Variants in MCF2L2 observed in about 807,000 individuals in gnomAD.
MCF2L2 encodes probable guanine nucleotide exchange factor MCF2L2.
In MCF2L2, 102 loss-of-function variants were observed where a neutral mutation model predicts 150.2. The observed-to-expected ratio is 0.68, with a 90% CI of 0.58 to 0.80. The LOEUF is 0.80. MCF2L2 is among the 30% of genes least tolerant of loss of function. The pLI, the probability that MCF2L2 is intolerant of heterozygous loss-of-function variation, is 0.00. For missense variants in MCF2L2, 1,256 were observed against 1,372.8 expected, an observed-to-expected ratio of 0.91 and a Z score of 1.34; for synonymous variants, 465 against 491.3, an observed-to-expected ratio of 0.95 and a Z score of 0.71.
chr3:183,402,305 G>C (rs1714799089), intron 1 of MCF2L2, among the ~76,000 whole-genome samples: 1 of 151,664 alleles, frequency 6.6e-6, no homozygotes, highest in Non-Finnish European at 1.5e-5. Context: ...AATTAGCCGG[G>C]CGTGGTGGGT....
At chr3:183,385,006 A>G (rs1414249738) in intron 2 of MCF2L2, among the ~76,000 whole-genome samples, 1 of 152,192 alleles carries the variant, frequency 6.6e-6, no homozygotes, top group Non-Finnish European at 1.5e-5. Flanking sequence ...GCCACTAGAC[A>G]CATGTGATTA....
intron 1 of MCF2L2, among the ~76,000 whole-genome samples, chr3:183,425,287 A>G (rs1716103276): frequency 1.3e-5 from 2 of 152,288 alleles, no homozygotes; most frequent in South Asian, 4.1e-4. Context: ...AGGGACATGG[A>G]AAGAGCAGAA....
In MCF2L2 at chr3:183,193,212, G is replaced by C. The variant is rs956037176; in HGVS notation, c.2919-116C>G. ...GTGTATCTCTGGTCTAGGTCTCGAGGACCTGCTGCTCCTCCCTCACCTGTA... is the reference window on the plus strand; with the variant it reads ...GTGTATCTCTGGTCTAGGTCTCGAGCACCTGCTGCTCCTCCCTCACCTGTA... On this transcript the variant is annotated intron_variant, in intron 26 of 29. Coordinates refer to ENST00000328913, the MANE Select transcript of MCF2L2 (RefSeq NM_015078.4). The C allele has an allele frequency of 3.7e-4, 298 of 798,088 alleles. 1 individual carries two copies. The highest frequency in any genetic ancestry group is 1.9e-3 in the Middle Eastern group (8 of 4,292). 49.4% of individuals were successfully genotyped at this position (798,088 alleles called of 1,614,324 possible). A position where few individuals can be genotyped will look rare whatever the true frequency, so the allele number is the denominator to read the frequency against.
rs575016490 is a variant in MCF2L2, at chr3:183,213,094, T to C, written c.2496+2875A>G. 8.5e-5 allele frequency among the ~76,000 whole-genome samples: 13 copies of C among 152,226 alleles called. No homozygotes were observed. In the South Asian group the frequency reaches 2.1e-3, roughly 24 times the overall value. On this transcript the variant is annotated intron_variant, in intron 22 of 29. Transcript: ENST00000328913. The stretch of plus-strand genomic sequence containing the variant: ...ATAGAAATAAAATCCTGGCCCTAGC[T>C]CACAATGAACTTACAATACAAGTAC...
chr3:183,290,533 C>CTT (rs1209415171), intron 13 of MCF2L2, among the ~76,000 whole-genome samples: 1 of 151,310 alleles, frequency 6.6e-6, no homozygotes, highest in African/African-American at 2.4e-5. Context: ...GCATTTCTTT[C>CTT]TTTCTTTCTT....
chr3:183,336,855 CA>C (rs566104436), intron 5 of MCF2L2, among the ~76,000 whole-genome samples: 2 of 132,284 alleles, frequency 1.5e-5, no homozygotes, highest in African/African-American at 6.6e-5. Context: ...AACTCCATCT[CA>C]AAAAAAAAAT....
rs550905936 is a variant in MCF2L2, at chr3:183,361,021, A to G, written c.275+18276T>C. 1.3e-3 allele frequency among the ~76,000 whole-genome samples: 184 copies of G among 140,358 alleles called. 11 individuals carry two copies. The highest frequency in any genetic ancestry group is 0.012 in the East Asian group (55 of 4,460). The allele number at this position is 140,358 out of a possible 152,430, so 92.1% of individuals were successfully genotyped here. On this transcript the variant is annotated intron_variant, in intron 3 of 29. Transcript: ENST00000328913. ...AAGAAAAGAAAAGAAAAGAAAAGAA[A>G]AGAGAAAAGAAAAGGAAGAAAGGAA...
intron 3 of MCF2L2, among the ~76,000 whole-genome samples, chr3:183,349,869 C>CT (rs68102690): frequency 1.1e-4 from 17 of 149,960 alleles, no homozygotes; most frequent in East Asian, 5.9e-4. Context: ...TTTGCTGCTC[C>CT]TTTTTTTTTT....
chr3:183,327,291 C>G (rs934564580), intron 5 of MCF2L2, among the ~76,000 whole-genome samples: 1 of 151,924 alleles, frequency 6.6e-6, no homozygotes, highest in Non-Finnish European at 1.5e-5. Flanking sequence ...CACCACTGCA[C>G]TCCAACCTGG....
At chr3:183,255,196 T>A (rs576119588) in intron 15 of MCF2L2, among the ~76,000 whole-genome samples, 2 of 152,314 alleles carry the variant, frequency 1.3e-5, no homozygotes, top group Non-Finnish European at 2.9e-5. Flanking sequence ...AAAGCCGAAG[T>A]TGACCCAGAA....
At chr3:183,292,586 CACAT>C (rs1728222955) in intron 13 of MCF2L2, among the ~76,000 whole-genome samples, 2 of 151,408 alleles carry the variant, frequency 1.3e-5, no homozygotes, top group African/African-American at 4.9e-5. Flanking sequence ...CACACACACA[CACAT>C]GCACACACAC....
At chr3:183,248,849 A>G (rs2108691242) in intron 15 of MCF2L2, among the ~76,000 whole-genome samples, 1 of 152,278 alleles carries the variant, frequency 6.6e-6, no homozygotes, top group Non-Finnish European at 1.5e-5. Context: ...AAAAATGTAT[A>G]TTTTTAAAAA....
At position 183,360,991 on chromosome 3, in the gene MCF2L2, A is replaced by AGAGAAGAGAAGAGAAGAGAAG. The variant is rs1560040073; in HGVS notation, c.275+18305_275+18306insCTTCTCTTCTCTTCTCTTCTC. On this transcript the variant is annotated intron_variant, in intron 3 of 29. Coordinates refer to ENST00000328913, the MANE Select transcript of MCF2L2 (RefSeq NM_015078.4). The stretch of plus-strand genomic sequence containing the variant: ...AAGAAAAGAAAAGAAAAGAAAAGAA[A>AGAGAAGAGAAGAGAAGAGAAG]AGAAAAGAAAAGAAAAGAAAAGAAA... Among the ~76,000 whole-genome samples the AGAGAAGAGAAGAGAAGAGAAG allele has an allele frequency of 4.6e-4, 61 of 133,510 alleles. 3 individuals carry two copies. The highest frequency in any genetic ancestry group is 4.3e-3 in the East Asian group (20 of 4,680). The allele number at this position is 133,510 out of a possible 152,430, so 87.6% of individuals were successfully genotyped here. A position where few individuals can be genotyped will look rare whatever the true frequency, so the allele number is the denominator to read the frequency against.
rs187798735 is a variant in MCF2L2, at chr3:183,409,717, G to C, written c.76+18185C>G. Reference sequence around the variant, plus strand: ...TTACAGGTGCCCATGACCATGCCTGGATAATTTTTGTATTTTGTAGTAGAG... The same window carrying C: ...TTACAGGTGCCCATGACCATGCCTGCATAATTTTTGTATTTTGTAGTAGAG... On this transcript the variant is annotated intron_variant, in intron 1 of 29. Transcript: ENST00000328913. Among the ~76,000 whole-genome samples the C allele has an allele frequency of 3.4e-3, 510 of 152,030 alleles. 3 individuals are homozygous for C. Among genetic ancestry groups the C allele is most frequent in the Non-Finnish European group, 5.0e-3 (342 of 67,968 alleles).
intron 3 of MCF2L2, among the ~76,000 whole-genome samples, chr3:183,370,656 A>AT (rs5854976): frequency 0.04 from 6,067 of 152,324 alleles, 337 homozygotes; most frequent in African/African-American, 0.12. Context: ...CATCATACAC[A>AT]TATGAGGTCA....
chr3:183,369,974 C>T (rs1389589110), intron 3 of MCF2L2, among the ~76,000 whole-genome samples: 2 of 152,222 alleles, frequency 1.3e-5, no homozygotes, highest in Non-Finnish European at 2.9e-5. Flanking sequence ...CAATTCTTCA[C>T]TGTAACAACC....
At chr3:183,325,801 T>A (rs1246502804) in intron 5 of MCF2L2, among the ~76,000 whole-genome samples, 3 of 152,228 alleles carry the variant, frequency 2.0e-5, no homozygotes, top group Admixed American at 6.5e-5. Context: ...CTTTCTCATC[T>A]TAAGCTTTAG....
chr3:183,282,779 G>A (rs567290036), intron 14 of MCF2L2, among the ~76,000 whole-genome samples: 2 of 152,186 alleles, frequency 1.3e-5, no homozygotes, highest in Non-Finnish European at 2.9e-5. Flanking sequence ...TATTAGGCCA[G>A]TCTTTGTCCA....
chr3:183,275,925 CT>C (rs1187005373), intron 15 of MCF2L2, among the ~76,000 whole-genome samples: 2 of 151,870 alleles, frequency 1.3e-5, no homozygotes, highest in African/African-American at 2.4e-5. Context: ...CACACCTGGC[CT>C]GTTATAAGTT....
Sources: allele counts gnomAD v4.1 joint callset (sites outside exome capture counted in the v4.1 genomes callset), GRCh38; gene constraint gnomAD v4.1.1; transcripts MANE v1.5; gene names NCBI Gene and HGNC (gene_info 2026-07-23, HGNC 2026-07-21).